NSFL1C: variants seen among roughly 807,000 people sequenced by gnomAD.
NSFL1C encodes the protein NSFL1 cofactor.
NSFL1C carries 14 observed loss-of-function variants against 43.1 expected under a neutral mutation model. That is an observed-to-expected ratio of 0.32 (90% confidence interval 0.21 to 0.51). The LOEUF (loss-of-function observed/expected upper bound fraction) is 0.51, where lower values mean the gene tolerates loss of function less well. NSFL1C is among the 20% of genes least tolerant of loss of function. NSFL1C has a pLI of 0.98. For missense variants in NSFL1C, 406 were observed against 472.5 expected (o/e 0.86, Z 1.30); for synonymous variants, 171 against 183.5 (o/e 0.93, Z 0.55).
At chr20:1,458,054 C>T in intron 3 of NSFL1C, 146 bp downstream of exon 3, 1 of 664,568 alleles carries the variant, frequency 1.5e-6, no homozygotes, top group East Asian at 2.6e-5. Flanking sequence ...GAAGAGACTT[C>T]CTAAGATATA....
chr20:1,455,612 C>A, intron 3 of NSFL1C: 1 of 776,952 alleles, frequency 1.3e-6, no homozygotes, highest in South Asian at 1.3e-5. Flanking sequence ...AGGCTCCAGT[C>A]TTGGCTCTGC....
intron 1 of NSFL1C, among the ~76,000 whole-genome samples, chr20:1,465,713 C>T (rs1000465676): frequency 4.6e-5 from 7 of 152,194 alleles, no homozygotes; most frequent in African/African-American, 1.7e-4. Context: ...GTCTTTACCT[C>T]ATAGTGTTGC....
intron 7 of NSFL1C, among the ~76,000 whole-genome samples, chr20:1,448,889 A>G (rs2090126827): frequency 6.6e-6 from 1 of 152,224 alleles, no homozygotes; most frequent in South Asian, 2.1e-4. Flanking sequence ...GTTGGGCCTT[A>G]CACTCAGACA....
intron 3 of NSFL1C, 83 bp downstream of exon 3, chr20:1,458,117 T>A (rs1359168216): frequency 2.1e-5 from 23 of 1,084,100 alleles, no homozygotes; most frequent in Non-Finnish European, 3.3e-5. Flanking sequence ...CAAACATGTT[T>A]ACCAGGTCCT....
chr20:1,464,462 C>A (rs773664920), intron 1 of NSFL1C, 36 bp from the exon 2 acceptor site: 3 of 1,544,250 alleles, frequency 1.9e-6, no homozygotes, highest in South Asian at 1.1e-5. Context: ...GACCCTTAAA[C>A]AGGCCTTCAC....
chr20:1,453,241 T>A, intron 5 of NSFL1C, 101 bp from the exon 6 acceptor site: 1 of 720,124 alleles, frequency 1.4e-6, no homozygotes, highest in Non-Finnish European at 2.5e-6. Context: ...GTTGCTACTA[T>A]TAAAACACAC....
At chr20:1,455,659 T>C in intron 3 of NSFL1C, 1 of 779,668 alleles carries the variant, frequency 1.3e-6, no homozygotes, top group South Asian at 1.3e-5. Context: ...CACTACTCTG[T>C]GACTCACTTT....
chr20:1,454,842 G>A (rs373029954), intron 4 of NSFL1C, 125 bp downstream of exon 4: 44 of 1,022,154 alleles, frequency 4.3e-5, no homozygotes, highest in Non-Finnish European at 5.8e-5. Context: ...CTCGTGTTCC[G>A]CACAGAAGAC....
chr20:1,448,302 G>A (rs1047659025), intron 7 of NSFL1C, among the ~76,000 whole-genome samples: 4 of 152,244 alleles, frequency 2.6e-5, no homozygotes, highest in Non-Finnish European at 5.9e-5. Flanking sequence ...CCTCTGCTCT[G>A]CCTCTAAACA....
rs780533458 is a variant in NSFL1C at position 1,443,298 on chromosome 20, C to T, written c.*451G>A. ...GTGGGAACAAGTGGTGGCGAAGCCTCTTTCTACACATTTCCCCTCCTTCCT... is the reference window on the plus strand; with the variant it reads ...GTGGGAACAAGTGGTGGCGAAGCCTTTTTCTACACATTTCCCCTCCTTCCT... On this transcript the variant is annotated 3_prime_UTR_variant, in exon 9 of 9. Transcript: ENST00000216879. 51 of 156,218 alleles carry T rather than the reference C, an allele frequency of 3.3e-4. No individual in the cohort carries two copies. The highest frequency in any genetic ancestry group is 6.1e-4 in the Non-Finnish European group (43 of 70,556). 9.7% of individuals were successfully genotyped at this position (156,218 alleles called of 1,614,324 possible).
chr20:1,446,010 C>T, intron 7 of NSFL1C, 180 bp from the exon 8 acceptor site: 11 of 634,356 alleles, frequency 1.7e-5, no homozygotes, highest in South Asian at 5.6e-5. Context: ...CAGCAGAATT[C>T]ACTTCAAACC....
intron 3 of NSFL1C, among the ~76,000 whole-genome samples, chr20:1,457,633 C>T (rs2090328833): frequency 6.6e-6 from 1 of 152,174 alleles, no homozygotes; most frequent in South Asian, 2.1e-4. Flanking sequence ...CACACTCTGT[C>T]GATTGTTCTA....
rs2089975743 is a variant in NSFL1C at position 1,442,768 on chromosome 20, T to C, written c.*981A>G. On this transcript the variant is annotated 3_prime_UTR_variant, in exon 9 of 9. Coordinates refer to ENST00000216879, the MANE Select transcript of NSFL1C (RefSeq NM_016143.5). The stretch of plus-strand genomic sequence containing the variant: ...CAAAACATACCCAGCAGAAGCCTCC[T>C]GCAAGTACCAACAGTGACAGGTGCT... 1 of 152,250 alleles carries C rather than the reference T, an allele frequency of 6.6e-6. No individual in the cohort carries two copies. The highest frequency in any genetic ancestry group is 6.5e-5 in the Admixed American group (1 of 15,286). The allele number at this position is 152,250 out of a possible 1,614,324, so 9.4% of individuals were successfully genotyped here.
In NSFL1C at chr20:1,445,770, T is replaced by A; in HGVS notation, c.846A>T (p.Lys282Asn). The change falls in exon 8 of 9, where the codon AAA (lysine) becomes AAT (asparagine). Residue 282 changes from lysine to asparagine, a missense_variant. Lys to Asn is a moderately conservative substitution (Grantham distance 94). Around this residue, in one of 3 missense-constraint regions of NSFL1C, gnomAD observed 196 missense variants for 228.0 expected, o/e 0.86. Transcript: ENST00000216879. ...SPAQQAENEA[K>N]ASSSILIDES... ...CGTCGATTAAGATGGAAGAGCTGGC[T>A]TTGGCTTCATTTTCTGCCTGTTGGG... 1 of 1,614,068 alleles carries A rather than the reference T, an allele frequency of 6.2e-7. No individual in the cohort carries two copies. Among genetic ancestry groups the A allele is most frequent in the South Asian group, 1.1e-5 (1 of 91,068 alleles).
chr20:1,453,837 TA>T (rs891685215), intron 5 of NSFL1C, among the ~76,000 whole-genome samples: 7 of 150,280 alleles, frequency 4.7e-5, no homozygotes, highest in Non-Finnish European at 8.9e-5. Flanking sequence ...TGAGGAAAAC[TA>T]AAAAAAAAGA....
chr20:1,449,700 G>A (rs2090144901), intron 7 of NSFL1C, among the ~76,000 whole-genome samples: 1 of 152,124 alleles, frequency 6.6e-6, no homozygotes, highest in African/African-American at 2.4e-5. Flanking sequence ...TAAGTTATGG[G>A]GAAAATGAGT....
intron 1 of NSFL1C, among the ~76,000 whole-genome samples, chr20:1,466,472 G>C (rs1416242332): frequency 6.6e-6 from 1 of 152,206 alleles, no homozygotes; most frequent in Non-Finnish European, 1.5e-5. Flanking sequence ...CCGAAGTCTC[G>C]CTGACGCCGC....
chr20:1,464,690 C>T (rs925564149), intron 1 of NSFL1C, among the ~76,000 whole-genome samples: 11 of 152,148 alleles, frequency 7.2e-5, no homozygotes, highest in African/African-American at 2.7e-4. Flanking sequence ...TATGAAGAAA[C>T]GTGATCTAGT....
chr20:1,449,315 T>C (rs2090136316), intron 7 of NSFL1C, among the ~76,000 whole-genome samples: 1 of 152,196 alleles, frequency 6.6e-6, no homozygotes, highest in South Asian at 2.1e-4. Flanking sequence ...CGACTAGAAA[T>C]GCTATCAGCT....
Sources: allele counts gnomAD v4.1 joint callset (sites outside exome capture counted in the v4.1 genomes callset), GRCh38; gene constraint gnomAD v4.1.1; regional missense constraint gnomAD v4.1.1; transcripts MANE v1.5; gene names NCBI Gene and HGNC (gene_info 2026-07-23, HGNC 2026-07-21).